The following C16orf95 variants were observed in gnomAD, a reference collection of about 807,000 sequenced individuals.
C16orf95 encodes chromosome 16 open reading frame 95.
Under a neutral mutation model 32.1 loss-of-function variants are expected in C16orf95, and 41 were observed. The ratio of observed to expected loss-of-function variants is 1.28; its 90% CI spans 1.00 to 1.66. The LOEUF is 1.66. C16orf95 is among the 40% of genes most tolerant of loss of function. The probability of loss-of-function intolerance (pLI) is 0.00; values close to 1 mark genes in which losing one functional copy is unlikely to be tolerated. For missense variants in C16orf95, 399 were observed against 325.9 expected (o/e 1.22, Z -1.73); for synonymous variants, 147 against 128.9 (o/e 1.14, Z -0.95).
At chr16:87,317,042 C>A in intron 1 of C16orf95, 49 bp downstream of exon 1, 1 of 1,464,588 alleles carries the variant, frequency 6.8e-7, no homozygotes, top group South Asian at 1.3e-5. Context: ...GCCGGGAACT[C>A]ACAGGCGAGG....
intron 4 of C16orf95, 123 bp downstream of exon 4, chr16:87,311,027 C>G (rs1165433310): frequency 5.2e-6 from 5 of 963,624 alleles, no homozygotes; most frequent in Non-Finnish European, 5.9e-6. Flanking sequence ...CTCTGGACAC[C>G]AGCAGAGGCC....
chr16:87,303,845 C>T (rs1283868256), intron 6 of C16orf95, among the ~76,000 whole-genome samples: 1 of 152,090 alleles, frequency 6.6e-6, no homozygotes, highest in African/African-American at 2.4e-5. Context: ...CCAGGCCCTC[C>T]CCAGAACAGT....
At chr16:87,308,083 G>C (rs955820128) in intron 5 of C16orf95, among the ~76,000 whole-genome samples, 1 of 152,218 alleles carries the variant, frequency 6.6e-6, no homozygotes, top group Non-Finnish European at 1.5e-5. Context: ...GGTTTGACAA[G>C]AGGAATGAGC....
intron 3 of C16orf95, among the ~76,000 whole-genome samples, chr16:87,314,040 G>T (rs1381716844): frequency 1.3e-5 from 2 of 152,142 alleles, no homozygotes; most frequent in Non-Finnish European, 2.9e-5. Context: ...TGTTGGTGAC[G>T]ATGTGAGGAA....
At chr16:87,315,935 C>T (rs147122963) in intron 1 of C16orf95, 112 bp from the exon 2 acceptor site, 6,862 of 602,830 alleles carry the variant, frequency 0.011, 55 homozygotes, top group Middle Eastern at 0.017. Flanking sequence ...ATAAAGCCCA[C>T]GGGTGGTGGG....
rs375010852 is a variant in C16orf95, at chr16:87,315,202, G to C, written c.205-106C>G. The C allele has an allele frequency of 4.5e-5, 56 of 1,231,902 alleles. 1 individual carries two copies. The African/African-American group carries it at 8.1e-4, about 18-fold the overall frequency. 76.3% of individuals were successfully genotyped at this position (1,231,902 alleles called of 1,614,324 possible). A position where few individuals can be genotyped will look rare whatever the true frequency, so the allele number is the denominator to read the frequency against. ...CCGTGCTCAGGAAGATGGTGTCCGG[G>C]GGCAGGGTCCCCAGCTCCTACTGCA... On this transcript the variant is annotated intron_variant, in intron 2 of 6. Coordinates refer to ENST00000567970, the MANE Select transcript of C16orf95 (RefSeq NM_001195124.3).
intron 5 of C16orf95, chr16:87,306,259 G>A (rs1050904270): frequency 5.0e-5 from 9 of 181,340 alleles, no homozygotes; most frequent in Middle Eastern, 4.3e-3. Context: ...GACTGGAGCC[G>A]AGTGATGGGC....
chr16:87,306,521 T>C (rs1911039458), intron 5 of C16orf95, among the ~76,000 whole-genome samples: 1 of 152,132 alleles, frequency 6.6e-6, no homozygotes, highest in African/African-American at 2.4e-5. Context: ...GTAAATATCA[T>C]AAATATACTT....
chr16:87,306,581 G>C (rs961670100), intron 5 of C16orf95, among the ~76,000 whole-genome samples: 3 of 152,136 alleles, frequency 2.0e-5, no homozygotes, highest in African/African-American at 7.2e-5. Context: ...AAGCACCTAA[G>C]TCTGTCTTTA....
Position 87,305,984 on chromosome 16 carries a change from C to A in C16orf95, c.515-79G>T, listed in dbSNP as rs1911009755. 1.8e-6 allele frequency: 2 copies of A among 1,141,292 alleles called. No individual in the cohort carries two copies. Among genetic ancestry groups the A allele is most frequent in the Non-Finnish European group, 2.3e-6 (2 of 869,934 alleles). The allele number at this position is 1,141,292 out of a possible 1,614,324, so 70.7% of individuals were successfully genotyped here. A position where few individuals can be genotyped will look rare whatever the true frequency, so the allele number is the denominator to read the frequency against. On this transcript the variant is annotated intron_variant, in intron 5 of 6. Coordinates refer to ENST00000567970, the MANE Select transcript of C16orf95 (RefSeq NM_001195124.3). This position sits in a 1 kb window ranked among gnomAD's most constrained non-coding sequence, Gnocchi z 4.2. ...AGCCACGAGGAGGCTGCAACACCAG[C>A]CCCAGAGCCTCCGGGAAATGGGGAC...
rs1166134777 is a variant in C16orf95, at chr16:87,315,099, G to C, written c.205-3C>G. ...ATGGCCCAGGGGCCAGGGTGCATCT[G>C]AGTAAGATCCAGAAATGACAGAACT... On this transcript the variant is annotated splice_region_variant and splice_polypyrimidine_tract_variant and intron_variant, in intron 2 of 6. Coordinates refer to ENST00000567970, the MANE Select transcript of C16orf95 (RefSeq NM_001195124.3). The C allele has an allele frequency of 6.5e-7, 1 of 1,535,522 alleles. No individual in the cohort carries two copies. The highest frequency in any genetic ancestry group is 2.4e-5 in the East Asian group (1 of 40,918).
chr16:87,314,919 C>T, intron 3 of C16orf95, 52 bp downstream of exon 3: 2 of 1,481,690 alleles, frequency 1.3e-6, no homozygotes, highest in Non-Finnish European at 1.8e-6. Flanking sequence ...GACTGGTCAA[C>T]TGACATTCAC....
intron 1 of C16orf95, 126 bp downstream of exon 1, chr16:87,316,965 G>T: frequency 7.3e-7 from 1 of 1,369,950 alleles, no homozygotes; most frequent in East Asian, 2.8e-5. Context: ...TTAAGCCAAT[G>T]TAAGTGAGGT....
At chr16:87,315,916 C>A in intron 1 of C16orf95, 93 bp from the exon 2 acceptor site, 1 of 880,702 alleles carries the variant, frequency 1.1e-6, no homozygotes. Flanking sequence ...TCAGAACTGA[C>A]TCTTAATAAT....
intron 3 of C16orf95, among the ~76,000 whole-genome samples, chr16:87,312,856 T>C (rs1376560295): frequency 6.6e-6 from 1 of 151,946 alleles, no homozygotes; most frequent in South Asian, 2.1e-4. Flanking sequence ...ACAAGAACAA[T>C]AGACAAAAAA....
In C16orf95 at chr16:87,317,092, T is replaced by G; in HGVS notation, c.151A>C (p.Arg51=). 6.6e-7 allele frequency: 1 copy of G among 1,521,470 alleles called. No individual in the cohort carries two copies. The highest frequency in any genetic ancestry group is 1.2e-5 in the South Asian group (1 of 82,450). 94.2% of individuals were successfully genotyped at this position (1,521,470 alleles called of 1,614,324 possible). A position where few individuals can be genotyped will look rare whatever the true frequency, so the allele number is the denominator to read the frequency against. ...LALTPSAQDG[R]NSTFQTYKKE... ...GGGCAGGATTCAGGACTCACTTGCCTGCCATCCTGCGCGCTGGGTGTGAGT... is the reference window on the plus strand; with the variant it reads ...GGGCAGGATTCAGGACTCACTTGCCGGCCATCCTGCGCGCTGGGTGTGAGT... The change falls in exon 1 of 7, where the codon AGG becomes CGG. Residue 51 remains arginine, a splice_region_variant and synonymous_variant. Transcript: ENST00000567970.
In C16orf95 at chr16:87,311,316, GAGA is replaced by G. The variant is rs1467483984; in HGVS notation, c.331-23_331-21del. The G allele has an allele frequency of 6.6e-7, 1 of 1,514,604 alleles. No individual in the cohort carries two copies. The highest frequency in any genetic ancestry group is 1.4e-5 in the African/African-American group (1 of 72,806). The allele number at this position is 1,514,604 out of a possible 1,614,324, so 93.8% of individuals were successfully genotyped here. A position where few individuals can be genotyped will look rare whatever the true frequency, so the allele number is the denominator to read the frequency against. On this transcript the variant is annotated intron_variant, in intron 3 of 6. Coordinates refer to ENST00000567970, the MANE Select transcript of C16orf95 (RefSeq NM_001195124.3). ...TTGACTCTAACAGAGAGGATGGGAG[GAGA>G]AGATTCAGAAGGGGATGGAGCCATG...
intron 5 of C16orf95, among the ~76,000 whole-genome samples, chr16:87,309,674 G>A (rs1911192769): frequency 6.6e-6 from 1 of 152,006 alleles, no homozygotes; most frequent in African/African-American, 2.4e-5. Flanking sequence ...GTGAGCCACT[G>A]CACCCAGCAT....
chr16:87,308,005 A>G (rs987005567), intron 5 of C16orf95, among the ~76,000 whole-genome samples: 1 of 152,212 alleles, frequency 6.6e-6, no homozygotes, highest in African/African-American at 2.4e-5. Context: ...GAGCCAAATC[A>G]GGACTGTAAT....
Sources: allele counts gnomAD v4.1 joint callset (sites outside exome capture counted in the v4.1 genomes callset), GRCh38; gene constraint gnomAD v4.1.1; non-coding constraint Gnocchi (gnomAD v3.1); transcripts MANE v1.5; gene names NCBI Gene and HGNC (gene_info 2026-07-23, HGNC 2026-07-21).